The following SCRIB variants were observed in gnomAD, a reference collection of about 807,000 sequenced individuals.
SCRIB encodes protein scribble homolog.
In SCRIB, 72 loss-of-function variants were observed where a neutral mutation model predicts 170.0. The ratio of observed to expected loss-of-function variants is 0.42; its 90% CI spans 0.35 to 0.52. SCRIB has a LOEUF of 0.52. Ranked by LOEUF, SCRIB falls within the 20% of genes least tolerant of loss-of-function variation. The probability of loss-of-function intolerance (pLI) is 0.02; values close to 1 mark genes in which losing one functional copy is unlikely to be tolerated. For synonymous variants in SCRIB, 1,298 were observed against 1,044.3 expected (o/e 1.24, Z -4.68); for missense variants, 2,475 against 2,338.5 (o/e 1.06, Z -1.20).
rs113999117 is a variant in SCRIB at position 143,811,361 on chromosome 8, A to T, written c.907-16T>A. 3 of 1,607,554 alleles carry T rather than the reference A, an allele frequency of 1.9e-6. No homozygotes were observed. In the Admixed American group the frequency reaches 5.0e-5, roughly 27 times the overall value. ...GGGGCAGGGCCTGGCCAAGAAGAGGAGGTCAGAGGACGCTAGGGGCTTGCT... is the reference window on the plus strand; with the variant it reads ...GGGGCAGGGCCTGGCCAAGAAGAGGTGGTCAGAGGACGCTAGGGGCTTGCT... On this transcript the variant is annotated splice_polypyrimidine_tract_variant and intron_variant, in intron 9 of 36. Coordinates refer to ENST00000356994, the MANE Select transcript of SCRIB (RefSeq NM_182706.5).
rs527505946 is a variant in SCRIB at position 143,793,352 on chromosome 8, A to G, written c.3910-269T>C. On this transcript the variant is annotated intron_variant, in intron 28 of 36. Transcript: ENST00000356994. ...ACCCCTGGTTTTGTCTAAAAAAGGC[A>G]GGTGGGGGCGGCGGGGGCAGAGGAG... 3 of 257,100 alleles carry G rather than the reference A, an allele frequency of 1.2e-5. No homozygotes were observed. In the East Asian group the frequency reaches 1.6e-4, roughly 13 times the overall value. The allele number at this position is 257,100 out of a possible 1,614,324, so 15.9% of individuals were successfully genotyped here. A position where few individuals can be genotyped will look rare whatever the true frequency, so the allele number is the denominator to read the frequency against.
At chr8:143,796,474 CGGGAGGCACA>C (rs1206032394) in intron 24 of SCRIB, among the ~76,000 whole-genome samples, 1 of 152,080 alleles carries the variant, frequency 6.6e-6, no homozygotes, top group Non-Finnish European at 1.5e-5. Flanking sequence ...GGCAAACACA[CGGGAGGCACA>C]GGGAGGGGCT....
Position 143,812,395 on chromosome 8 carries a change from G to T in SCRIB, c.788-11C>A. ...GCTGCTTCAGCTGACCTGGCGTCGG[G>T]GAGACAGGGGGACAAGGCTGAGCAT... On this transcript the variant is annotated splice_polypyrimidine_tract_variant and intron_variant, in intron 8 of 36. Transcript: ENST00000356994. The T allele has an allele frequency of 6.3e-7, 1 of 1,578,698 alleles. No homozygotes were observed. The highest frequency in any genetic ancestry group is 1.1e-5 in the South Asian group (1 of 90,326).
intron 13 of SCRIB, 139 bp downstream of exon 13, chr8:143,810,340 C>T (rs1412524650): frequency 1.6e-6 from 2 of 1,288,208 alleles, no homozygotes; most frequent in East Asian, 2.4e-5. Context: ...AGCTCCATGT[C>T]CCTGAAACCT....
intron 21 of SCRIB, among the ~76,000 whole-genome samples, 170 bp downstream of exon 21, chr8:143,804,398 G>A (rs1007284577): frequency 6.6e-6 from 1 of 152,258 alleles, no homozygotes; most frequent in African/African-American, 2.4e-5. Flanking sequence ...CCATACTGAG[G>A]AGTCTGGCTG....
chr8:143,812,179 C>A (rs762533003), intron 9 of SCRIB, 87 bp downstream of exon 9: 4 of 897,078 alleles, frequency 4.5e-6, no homozygotes, highest in African/African-American at 1.6e-5. Context: ...CACCAGCACC[C>A]CCCAGCAGCA....
At chr8:143,804,903 G>A (rs1236111467) in intron 20 of SCRIB, 31 bp downstream of exon 20, 5 of 1,526,822 alleles carry the variant, frequency 3.3e-6, no homozygotes, top group Non-Finnish European at 4.4e-6. Context: ...GGGGGGATGG[G>A]TGGGTGGGGC....
At chr8:143,795,170 GC>G in intron 26 of SCRIB, 58 bp from the exon 27 acceptor site, 1 of 1,599,516 alleles carries the variant, frequency 6.3e-7, no homozygotes, top group Non-Finnish European at 8.6e-7. Flanking sequence ...CACCCGGCCA[GC>G]ACAGGGCAGG....
Position 143,792,856 on chromosome 8 carries a change from A to C in SCRIB, c.4029T>G (p.Pro1343=), listed in dbSNP as rs112399431. The stretch of plus-strand genomic sequence containing the variant: ...GCTGCTCCGGGGAGGCTGCAGGCCC[A>C]GGCGTGGGGGGCTGGGGGGAGCGGA... ...PEDAPAQPPT[P]GPAASPEQLS... is the part of the protein sequence containing the mutation. The change falls in exon 30 of 37, where the codon CCT becomes CCG. Residue 1343 remains proline, a synonymous_variant. Coordinates refer to ENST00000356994, the MANE Select transcript of SCRIB (RefSeq NM_182706.5). 1,850 of 1,516,056 alleles carry C rather than the reference A, an allele frequency of 1.2e-3. 16 individuals carry two copies. In the African/African-American group the frequency reaches 0.022, roughly 18 times the overall value. The allele number at this position is 1,516,056 out of a possible 1,614,324, so 93.9% of individuals were successfully genotyped here.
intron 24 of SCRIB, among the ~76,000 whole-genome samples, chr8:143,801,491 C>T (rs1017743285): frequency 6.6e-6 from 1 of 152,110 alleles, no homozygotes; most frequent in Non-Finnish European, 1.5e-5. Flanking sequence ...CATAAAGAAC[C>T]CAGAAGACTT....
chr8:143,807,022 A>G lies in SCRIB; in HGVS notation c.2179-9T>C. On this transcript the variant is annotated splice_polypyrimidine_tract_variant and intron_variant, in intron 16 of 36. Transcript: ENST00000356994. ...AGGATAGTGAGGGTCAGCTGGAAACAGAACAGACAGGGTGTCTAGAAGGGC... is the reference window on the plus strand; with the variant it reads ...AGGATAGTGAGGGTCAGCTGGAAACGGAACAGACAGGGTGTCTAGAAGGGC... The G allele has an allele frequency of 6.2e-7, 1 of 1,603,560 alleles. No individual in the cohort carries two copies. Among genetic ancestry groups the G allele is most frequent in the Non-Finnish European group, 8.5e-7 (1 of 1,172,980 alleles).
Position 143,804,125 on chromosome 8 carries a change from A to G in SCRIB, c.3041T>C (p.Leu1014Pro). The G allele has an allele frequency of 6.2e-7, 1 of 1,612,470 alleles. No homozygotes were observed. The highest frequency in any genetic ancestry group is 8.5e-7 in the Non-Finnish European group (1 of 1,179,248). Reference sequence around the variant, plus strand: ...GGAGCCTCCGACAATACTAAGCCCCAGAGGGCCCCCAGCTCTTGGCAGACG... The same window carrying G: ...GGAGCCTCCGACAATACTAAGCCCCGGAGGGCCCCCAGCTCTTGGCAGACG... ...EIRLPRAGGP[L>P]GLSIVGGSDH... The change falls in exon 22 of 37, where the codon CTG becomes CCG. Residue 1014 changes from leucine (L) to proline (P), a missense_variant. Coordinates refer to ENST00000356994, the MANE Select transcript of SCRIB (RefSeq NM_182706.5).
chr8:143,810,948 G>A lies in SCRIB; in HGVS notation c.1231C>T (p.Leu411Phe). 1 of 1,611,886 alleles carries A rather than the reference G, an allele frequency of 6.2e-7. No individual in the cohort carries two copies. The highest frequency in any genetic ancestry group is 8.5e-7 in the Non-Finnish European group (1 of 1,179,806). Residue 411 changes from leucine to phenylalanine, a missense_variant, in exon 11 of 37, where the codon CTC becomes TTC. Coordinates refer to ENST00000356994, the MANE Select transcript of SCRIB (RefSeq NM_182706.5). ...TGCTGGGGCAGCAAGTAGCAGGTGAGCACCTTCTCGCCGGTCCGGGCATCA... is the reference window on the plus strand; with the variant it reads ...TGCTGGGGCAGCAAGTAGCAGGTGAACACCTTCTCGCCGGTCCGGGCATCA... ...EDDARTGEKVLTCYLLPQQPP... is the reference protein window; with the variant it reads ...EDDARTGEKVFTCYLLPQQPP...
rs782746633 is a variant in SCRIB at position 143,792,526 on chromosome 8, C to G, written c.4287G>C (p.Glu1429Asp). 4.8e-5 allele frequency: 74 copies of G among 1,556,056 alleles called. No homozygotes were observed. In the Middle Eastern group the frequency reaches 1.2e-3, roughly 25 times the overall value. The change falls in exon 31 of 37, where the codon GAG becomes GAC. Residue 1429 changes from glutamate to aspartate, a missense_variant. Glu to Asp is a conservative substitution (Grantham distance 45, BLOSUM62 2). This residue lies in a region of SCRIB where 1,966 missense variants were observed against 1,742.9 expected (regional missense o/e 1.13). Coordinates refer to ENST00000356994, the MANE Select transcript of SCRIB (RefSeq NM_182706.5). Reference protein sequence around the residue: ...DGETLGEEEQEDEQPPWASPS... With the variant: ...DGETLGEEEQDDEQPPWASPS... ...GGCTGGCCCAGGGTGGCTGCTCATC[C>G]TCCTGTTCCTCCTCGCCCAGCGTCT...
chr8:143,815,567 T>TG lies in SCRIB; in HGVS notation c.-196dup. 1 of 976,666 alleles carries TG rather than the reference T, an allele frequency of 1.0e-6. No individual in the cohort carries two copies. The highest frequency in any genetic ancestry group is 1.2e-6 in the Non-Finnish European group (1 of 826,824). The allele number at this position is 976,666 out of a possible 1,614,324, so 60.5% of individuals were successfully genotyped here. On this transcript the variant is annotated 5_prime_UTR_variant, in exon 1 of 37. Transcript: ENST00000356994. ...GCTCGGAACGCTCGGACTGCGGGCC[T>TG]GGGCAGGGGGCGCGGCCCGGCGGGT...
rs770271978 is a variant in SCRIB, at chr8:143,810,615, G to A, written c.1405-11C>T. On this transcript the variant is annotated splice_polypyrimidine_tract_variant and intron_variant, in intron 12 of 36. Transcript: ENST00000356994. ...CCGGCGCTGTAGGCCCTGTTGTAGGGACAAGGATGAGCAGCAGCCACAGGG... is the reference window on the plus strand; with the variant it reads ...CCGGCGCTGTAGGCCCTGTTGTAGGAACAAGGATGAGCAGCAGCCACAGGG... 7.4e-6 allele frequency: 12 copies of A among 1,610,836 alleles called. No individual in the cohort carries two copies. The Admixed American group carries it at 8.3e-5, about 11-fold the overall frequency.
Position 143,815,173 on chromosome 8 carries a change from G to A in SCRIB, c.159+41C>T, listed in dbSNP as rs549531440. 226 of 1,516,900 alleles carry A rather than the reference G, an allele frequency of 1.5e-4. No individual in the cohort carries two copies. The East Asian group carries it at 2.4e-3, about 16-fold the overall frequency. The allele number at this position is 1,516,900 out of a possible 1,614,324, so 94.0% of individuals were successfully genotyped here. A position where few individuals can be genotyped will look rare whatever the true frequency, so the allele number is the denominator to read the frequency against. On this transcript the variant is annotated intron_variant, in intron 1 of 36. Coordinates refer to ENST00000356994, the MANE Select transcript of SCRIB (RefSeq NM_182706.5). ...TCTGCCGCCGGAGGAATCACGGGCT[G>A]GGGGCGCGCCTTTGGGCGGCAGGTG...
In SCRIB at chr8:143,804,118, A is replaced by T. The variant is rs1554635759; in HGVS notation, c.3048T>A (p.Leu1016=). The T allele has an allele frequency of 6.2e-7, 1 of 1,612,714 alleles. No homozygotes were observed. Among genetic ancestry groups the T allele is most frequent in the East Asian group, 2.2e-5 (1 of 44,854 alleles). The change falls in exon 22 of 37, where the codon CTT becomes CTA. Residue 1016 remains leucine (L), a synonymous_variant. Coordinates refer to ENST00000356994, the MANE Select transcript of SCRIB (RefSeq NM_182706.5). ...AATGGTCGGAGCCTCCGACAATACTAAGCCCCAGAGGGCCCCCAGCTCTTG... is the reference window on the plus strand; with the variant it reads ...AATGGTCGGAGCCTCCGACAATACTTAGCCCCAGAGGGCCCCCAGCTCTTG... ...RLPRAGGPLG[L]SIVGGSDHSS...
chr8:143,791,866 G>A lies in SCRIB; in HGVS notation c.4695+10C>T, dbSNP rs782677079. 9.8e-6 allele frequency: 15 copies of A among 1,535,410 alleles called. No individual in the cohort carries two copies. The highest frequency in any genetic ancestry group is 2.4e-5 in the South Asian group (2 of 82,244). On this transcript the variant is annotated intron_variant, in intron 34 of 36. Coordinates refer to ENST00000356994, the MANE Select transcript of SCRIB (RefSeq NM_182706.5). ...GGGGTGAAGGGAAGGCATAGCCACC[G>A]GCTCCTCACCAGGCGTCCCGGGGAG...
Sources: allele counts gnomAD v4.1 joint callset (sites outside exome capture counted in the v4.1 genomes callset), GRCh38; gene constraint gnomAD v4.1.1; regional missense constraint gnomAD v4.1.1; transcripts MANE v1.5; gene names NCBI Gene and HGNC (gene_info 2026-07-23, HGNC 2026-07-21).